Variants in LNX2 observed in about 807,000 individuals in gnomAD.
LNX2 encodes ligand of numb-protein X 2.
LNX2 carries 35 observed loss-of-function variants against 66.2 expected under a neutral mutation model. The ratio of observed to expected loss-of-function variants is 0.53; its 90% CI spans 0.40 to 0.70. The LOEUF is 0.70. Among genes scored for constraint, LNX2 ranks in the 30% least tolerant of loss-of-function variants. The pLI is 0.00. For synonymous variants in LNX2, 337 were observed against 315.6 expected (o/e 1.07, Z -0.72); for missense variants, 791 against 850.8 (o/e 0.93, Z 0.87).
intron 1 of LNX2, among the ~76,000 whole-genome samples, chr13:27,596,023 C>G (rs1428656186): frequency 1.3e-5 from 2 of 152,158 alleles, no homozygotes; most frequent in Non-Finnish European, 2.9e-5. Context: ...GTATTAAACA[C>G]ACGTATCTAT....
At chr13:27,560,999 T>C (rs1175149399) in intron 5 of LNX2, among the ~76,000 whole-genome samples, 2 of 152,234 alleles carry the variant, frequency 1.3e-5, no homozygotes. Context: ...ATGGAGTATA[T>C]GTTATTTTTT....
intron 7 of LNX2, 119 bp downstream of exon 7, chr13:27,556,117 G>T: frequency 2.0e-6 from 2 of 983,274 alleles, no homozygotes; most frequent in Non-Finnish European, 3.0e-6. Flanking sequence ...GCAAGGGACA[G>T]TTTAAAGAAC....
intron 2 of LNX2, among the ~76,000 whole-genome samples, chr13:27,572,156 C>G (rs556908781): frequency 4.6e-4 from 70 of 152,208 alleles, no homozygotes; most frequent in Non-Finnish European, 9.1e-4. Context: ...TACCTAGAAA[C>G]ACAATCACAG....
At chr13:27,604,272 G>A (rs1955691013) in intron 1 of LNX2, among the ~76,000 whole-genome samples, 2 of 152,206 alleles carry the variant, frequency 1.3e-5, no homozygotes, top group East Asian at 1.9e-4. Flanking sequence ...AATGAACCAC[G>A]CTCTTTCCAT....
At chr13:27,599,367 T>C (rs565493335) in intron 1 of LNX2, among the ~76,000 whole-genome samples, 2 of 152,322 alleles carry the variant, frequency 1.3e-5, no homozygotes, top group African/African-American at 4.8e-5. Context: ...CATTGTCTTC[T>C]AAGGCCACTC....
chr13:27,573,916 A>G (rs1282926547), intron 2 of LNX2, among the ~76,000 whole-genome samples: 1 of 124,022 alleles, frequency 8.1e-6, no homozygotes, highest in Admixed American at 7.5e-5. Context: ...AGTACAGCCC[A>G]TTCACAGGAA....
chr13:27,559,071 C>G (rs969830593), intron 6 of LNX2, among the ~76,000 whole-genome samples: 1 of 152,070 alleles, frequency 6.6e-6, no homozygotes, highest in African/African-American at 2.4e-5. Flanking sequence ...TGTTTTAAAA[C>G]TTCTGGCCCA....
chr13:27,595,964 G>A (rs1432138593), intron 1 of LNX2, among the ~76,000 whole-genome samples: 1 of 152,174 alleles, frequency 6.6e-6, no homozygotes, highest in African/African-American at 2.4e-5. Flanking sequence ...CTAAGACGAA[G>A]CCAACACTGA....
intron 1 of LNX2, among the ~76,000 whole-genome samples, chr13:27,590,851 T>C (rs1420721075): frequency 1.3e-5 from 2 of 152,270 alleles, no homozygotes; most frequent in Non-Finnish European, 2.9e-5. Context: ...AAGAACAAGA[T>C]ATAAGAAATT....
At position 27,590,994 on chromosome 13, in the gene LNX2, G is replaced by A. The variant is rs551783580; in HGVS notation, c.-100-9191C>T. Among the ~76,000 whole-genome samples, 27 of 151,880 alleles carry A rather than the reference G, an allele frequency of 1.8e-4. 1 individual carries two copies. The South Asian group carries it at 3.1e-3, about 18-fold the overall frequency. On this transcript the variant is annotated intron_variant, in intron 1 of 9. Coordinates refer to ENST00000316334, the MANE Select transcript of LNX2 (RefSeq NM_153371.4). Reference sequence around the variant, plus strand: ...TATATATACATATATATGTGTGTGTGTATATATATGTGTGTGTACACACAC... The same window carrying A: ...TATATATACATATATATGTGTGTGTATATATATATGTGTGTGTACACACAC...
At chr13:27,567,559 A>T (rs1219003589) in intron 4 of LNX2, 81 bp downstream of exon 4, 12 of 1,221,184 alleles carry the variant, frequency 9.8e-6, no homozygotes, top group Non-Finnish European at 1.4e-5. Context: ...TTTAGGTTCC[A>T]AAACAGCACA....
chr13:27,568,280 C>T (rs778900109), intron 3 of LNX2, among the ~76,000 whole-genome samples: 12 of 152,066 alleles, frequency 7.9e-5, no homozygotes, highest in Admixed American at 2.0e-4. Flanking sequence ...TGAACGGAGA[C>T]GTAGGAAATG....
intron 1 of LNX2, among the ~76,000 whole-genome samples, chr13:27,583,255 T>TGTGTGTGCGCGCGCGCGC (rs1555268514): frequency 5.1e-5 from 3 of 58,530 alleles, no homozygotes; most frequent in Admixed American, 1.8e-4. Context: ...TGTGTGTGTG[T>TGTGTGTGCGCGCGCGCGC]GCGCGCGTCC....
At chr13:27,572,171 T>C (rs147160627) in intron 2 of LNX2, among the ~76,000 whole-genome samples, 8 of 152,294 alleles carry the variant, frequency 5.3e-5, no homozygotes, top group Middle Eastern at 3.4e-3. Context: ...TCACAGAACG[T>C]TGGGGCTAGA....
intron 1 of LNX2, among the ~76,000 whole-genome samples, chr13:27,616,370 T>A (rs1452313405): frequency 6.6e-6 from 1 of 152,126 alleles, no homozygotes; most frequent in South Asian, 2.1e-4. Flanking sequence ...TAGGCTTCGA[T>A]AGGTGGTAGT....
At chr13:27,555,986 T>G (rs1338650437) in intron 7 of LNX2, among the ~76,000 whole-genome samples, 2 of 152,188 alleles carry the variant, frequency 1.3e-5, no homozygotes, top group Non-Finnish European at 2.9e-5. Flanking sequence ...TTTCCCAAGA[T>G]AAAATAATCT....
intron 1 of LNX2, among the ~76,000 whole-genome samples, chr13:27,606,270 C>T (rs1296872215): frequency 1.3e-5 from 2 of 151,818 alleles, no homozygotes; most frequent in Non-Finnish European, 2.9e-5. Flanking sequence ...ACCAAGGCCA[C>T]CTAGTAAATA....
At chr13:27,553,143 A>G in intron 8 of LNX2, 65 bp downstream of exon 8, 1 of 1,318,488 alleles carries the variant, frequency 7.6e-7, no homozygotes, top group Non-Finnish European at 1.1e-6. Flanking sequence ...TTATCATGCT[A>G]CACACTGATA....
rs1227371265 is a variant in LNX2 at position 27,567,636 on chromosome 13, A to G, written c.855+4T>C. 4 of 1,612,730 alleles carry G rather than the reference A, an allele frequency of 2.5e-6. No individual in the cohort carries two copies. The highest frequency in any genetic ancestry group is 3.4e-6 in the Non-Finnish European group (4 of 1,178,874). On this transcript the variant is annotated splice_donor_region_variant and intron_variant, in intron 4 of 9. Coordinates refer to ENST00000316334, the MANE Select transcript of LNX2 (RefSeq NM_153371.4). ...CAAGTTAACAGAATAATTAAAACTGATACCTGAAGAATCTGGTCTCCAGCA... is the reference window on the plus strand; with the variant it reads ...CAAGTTAACAGAATAATTAAAACTGGTACCTGAAGAATCTGGTCTCCAGCA...
Sources: gnomAD v4.1 joint callset for allele counts (sites outside exome capture counted in the v4.1 genomes callset) on GRCh38, gnomAD v4.1.1 for gene constraint, MANE v1.5 for transcripts, NCBI Gene and HGNC (gene_info 2026-07-23, HGNC 2026-07-21) for gene names.